The following IGSF11 variants were observed in gnomAD, a reference collection of about 807,000 sequenced individuals.
The protein encoded by IGSF11 is immunoglobulin superfamily member 11.
A neutral mutation model predicts 41.0 loss-of-function variants in IGSF11; 22 were observed. The observed-to-expected ratio is 0.54, with a 90% CI of 0.38 to 0.77. IGSF11 has a LOEUF of 0.77. Among genes scored for constraint, IGSF11 ranks in the 30% least tolerant of loss-of-function variants. The pLI is 0.00. For missense variants in IGSF11, 444 were observed against 530.8 expected, an observed-to-expected ratio of 0.84 and a Z score of 1.61; for synonymous variants, 219 against 201.3, an observed-to-expected ratio of 1.09 and a Z score of -0.74.
rs780755176 is a variant in IGSF11, at chr3:118,926,262, A to G, written c.425-6T>C. 2 of 1,577,642 alleles carry G rather than the reference A, an allele frequency of 1.3e-6. No homozygotes were observed. Among genetic ancestry groups the G allele is most frequent in the Non-Finnish European group, 1.7e-6 (2 of 1,156,832 alleles). ...GTGTGGGGCAGAAGGGGGAACTATA[A>G]CAGGAAGAATAAGCAATAAAGTACA... is the stretch of plus-strand genomic sequence containing the variant. On this transcript the variant is annotated splice_region_variant and splice_polypyrimidine_tract_variant and intron_variant, in intron 3 of 6. Coordinates refer to ENST00000393775, the MANE Select transcript of IGSF11 (RefSeq NM_001015887.3).
chr3:119,022,651 A>T (rs1334281876), intron 1 of IGSF11, among the ~76,000 whole-genome samples: 1 of 152,170 alleles, frequency 6.6e-6, no homozygotes, highest in Non-Finnish European at 1.5e-5. Context: ...GAAGTACAAA[A>T]CACCTACATA....
chr3:119,056,526 C>T (rs966528788), intron 1 of IGSF11, among the ~76,000 whole-genome samples: 3 of 152,150 alleles, frequency 2.0e-5, no homozygotes, highest in African/African-American at 7.2e-5. Context: ...GATTCACAGC[C>T]GAATTCTACC....
intron 1 of IGSF11, among the ~76,000 whole-genome samples, chr3:119,082,231 G>C (rs540340661): frequency 6.1e-4 from 93 of 152,196 alleles, no homozygotes; most frequent in African/African-American, 2.1e-3. Context: ...AAATTTAATA[G>C]GTAAGAAAAA....
At chr3:118,959,500 G>C (rs1391795773) in intron 1 of IGSF11, among the ~76,000 whole-genome samples, 1 of 152,184 alleles carries the variant, frequency 6.6e-6, no homozygotes, top group African/African-American at 2.4e-5. Flanking sequence ...TAATAGGTGA[G>C]TAATAACATA....
rs914191269 is a variant in IGSF11 at position 119,052,509 on chromosome 3, T to C, written c.49+52635A>G. ...AGGGAGGGAGGGAGGGATTTAAAAA[T>C]TGCCAACAAAAAAAGTCCAGGACCA... On this transcript the variant is annotated intron_variant, in intron 1 of 6. Coordinates refer to the IGSF11 transcript ENST00000354673. Among the ~76,000 whole-genome samples, 25 of 150,896 alleles carry C rather than the reference T, an allele frequency of 1.7e-4. 1 individual carries two copies. The highest frequency in any genetic ancestry group is 1.3e-3 in the Admixed American group (19 of 15,134).
At chr3:119,076,569 AAAAC>A (rs1559853538) in intron 1 of IGSF11, among the ~76,000 whole-genome samples, 2 of 152,324 alleles carry the variant, frequency 1.3e-5, no homozygotes, top group South Asian at 2.1e-4. Context: ...TTACAAGAAA[AAAAC>A]AAACAACCCC....
chr3:119,051,142 A>G (rs1451268804), intron 1 of IGSF11, among the ~76,000 whole-genome samples: 1 of 151,326 alleles, frequency 6.6e-6, no homozygotes, highest in African/African-American at 2.4e-5. Context: ...AACTTAAAGT[A>G]TAATAATAAT....
intron 1 of IGSF11, among the ~76,000 whole-genome samples, chr3:119,116,787 A>G (rs1013979054): frequency 2.0e-5 from 3 of 152,158 alleles, no homozygotes; most frequent in Non-Finnish European, 2.9e-5. Flanking sequence ...TGGCCTTTTG[A>G]GATATCTTTC....
upstream of IGSF11, among the ~76,000 whole-genome samples, chr3:119,036,928 T>A (rs374703608): frequency 2.0e-4 from 30 of 152,122 alleles, no homozygotes; most frequent in South Asian, 6.2e-3. Flanking sequence ...GTGAGGATGA[T>A]CAGATTTCAG....
At chr3:119,139,269 T>C (rs988812207) in intron 1 of IGSF11, among the ~76,000 whole-genome samples, 3 of 152,206 alleles carry the variant, frequency 2.0e-5, no homozygotes, top group Non-Finnish European at 4.4e-5. Context: ...AAATGAGTCC[T>C]TCAGGCCAGA....
chr3:118,970,091 G>T (rs1168656666), intron 1 of IGSF11, among the ~76,000 whole-genome samples: 53 of 152,260 alleles, frequency 3.5e-4, no homozygotes, highest in Admixed American at 6.5e-5. Context: ...CAGCCACACT[G>T]GGCACAGGGG....
intron 1 of IGSF11, among the ~76,000 whole-genome samples, chr3:118,943,493 G>A (rs1268820882): frequency 1.3e-5 from 2 of 152,096 alleles, no homozygotes; most frequent in Non-Finnish European, 2.9e-5. Flanking sequence ...CTATTTTTTC[G>A]CTATTTCAGG....
chr3:119,123,995 C>A (rs1045472085), intron 1 of IGSF11, among the ~76,000 whole-genome samples: 14 of 152,130 alleles, frequency 9.2e-5, no homozygotes, highest in African/African-American at 3.4e-4. Context: ...GAAAACATGA[C>A]CTCAACAAAC....
chr3:118,917,303 A>T (rs1250143355), intron 4 of IGSF11, among the ~76,000 whole-genome samples: 1 of 150,662 alleles, frequency 6.6e-6, no homozygotes, highest in African/African-American at 2.5e-5. Context: ...CCTTCAAAAA[A>T]TCAATGAATC....
chr3:119,143,129 T>C (rs150346832), intron 1 of IGSF11, among the ~76,000 whole-genome samples: 2 of 152,300 alleles, frequency 1.3e-5, no homozygotes, highest in East Asian at 3.9e-4. Flanking sequence ...ATATAGTAAC[T>C]TGAAGCCATA....
Position 119,010,063 on chromosome 3 carries a change from T to C in IGSF11, c.52+24468A>G, listed in dbSNP as rs1390687814. Among the ~76,000 whole-genome samples, 6 of 152,094 alleles carry C rather than the reference T, an allele frequency of 3.9e-5. No individual in the cohort carries two copies. In the East Asian group the frequency reaches 1.2e-3, roughly 29 times the overall value. On this transcript the variant is annotated intron_variant, in intron 1 of 6. Coordinates refer to ENST00000393775, the MANE Select transcript of IGSF11 (RefSeq NM_001015887.3). The stretch of plus-strand genomic sequence containing the variant: ...AAGGGAAAAGAGATGGAAAGACAGA[T>C]GAAAAAAGTAGAGAAAGTCATGCAG...
At chr3:118,985,611 A>G (rs1460329276) in intron 1 of IGSF11, among the ~76,000 whole-genome samples, 1 of 152,162 alleles carries the variant, frequency 6.6e-6, no homozygotes, top group Non-Finnish European at 1.5e-5. Context: ...TCTGATCTTT[A>G]TTTGCCATTC....
intron 1 of IGSF11, among the ~76,000 whole-genome samples, chr3:119,113,460 C>G (rs562503832): frequency 1.3e-5 from 2 of 152,220 alleles, no homozygotes; most frequent in Admixed American, 6.5e-5. Context: ...AAGTCCAAAA[C>G]CCAGGATGAC....
rs768718641 is a variant in IGSF11, at chr3:118,928,605, T to G, written c.328A>C (p.Thr110Pro). The stretch of plus-strand genomic sequence containing the variant: ...TAGGTGCCAGTGTCTGATAACTGAG[T>G]GTTATTAATGAAGATAGAGACATTG... ...ATNVSIFINN[T>P]QLSDTGTYQC... Residue 110 changes from threonine (T) to proline (P), a missense_variant, in exon 3 of 7, where the codon ACT (threonine) becomes CCT (proline). Thr to Pro is a conservative substitution (Grantham distance 38). Coordinates refer to ENST00000393775, the MANE Select transcript of IGSF11 (RefSeq NM_001015887.3). 284 of 1,613,832 alleles carry G rather than the reference T, an allele frequency of 1.8e-4. No individual in the cohort carries two copies. Among genetic ancestry groups the G allele is most frequent in the Non-Finnish European group, 2.3e-4 (274 of 1,179,918 alleles).
Sources: allele counts gnomAD v4.1 joint callset (sites outside exome capture counted in the v4.1 genomes callset), GRCh38; gene constraint gnomAD v4.1.1; transcripts MANE v1.5; gene names NCBI Gene and HGNC (gene_info 2026-07-23, HGNC 2026-07-21).